Variants in ELMO1 observed in about 807,000 individuals in gnomAD.
ELMO1 encodes engulfment and cell motility protein 1.
Under a neutral mutation model 98.9 loss-of-function variants are expected in ELMO1, and 26 were observed. That is an observed-to-expected ratio of 0.26 (90% CI 0.19 to 0.36). The LOEUF (loss-of-function observed/expected upper bound fraction) is 0.36. Among genes scored for constraint, ELMO1 ranks in the 10% least tolerant of loss-of-function variants. ELMO1 has a pLI of 1.00. For synonymous variants in ELMO1, 346 were observed against 346.0 expected (o/e 1.00, Z 0.00); for missense variants, 627 against 935.2 (o/e 0.67, Z 4.30).
At chr7:37,082,470 A>G (rs939345789) in intron 15 of ELMO1, among the ~76,000 whole-genome samples, 2 of 152,182 alleles carry the variant, frequency 1.3e-5, no homozygotes, top group African/African-American at 4.8e-5. Context: ...TTGGGAGGCC[A>G]GAGCAGTCAG....
At chr7:37,441,471 G>A (rs1025762715) in intron 1 of ELMO1, among the ~76,000 whole-genome samples, 1 of 152,144 alleles carries the variant, frequency 6.6e-6, no homozygotes, top group African/African-American at 2.4e-5. Flanking sequence ...TCGCACTAAT[G>A]GAATATCAAT....
intron 15 of ELMO1, among the ~76,000 whole-genome samples, chr7:37,059,208 G>A (rs1796542932): frequency 6.6e-6 from 1 of 152,142 alleles, no homozygotes. Flanking sequence ...GATCCACCAG[G>A]GAAAATATCA....
chr7:37,280,485 C>T (rs865963988), intron 4 of ELMO1, among the ~76,000 whole-genome samples: 6 of 151,376 alleles, frequency 4.0e-5, no homozygotes, highest in African/African-American at 1.5e-4. Flanking sequence ...GAATCTACAA[C>T]GAATTCAAAC....
chr7:37,428,880 T>C (rs986952884), intron 1 of ELMO1, among the ~76,000 whole-genome samples: 3 of 152,192 alleles, frequency 2.0e-5, no homozygotes. Context: ...CTTGGCAGAG[T>C]GTGTAGCTCA....
intron 16 of ELMO1, among the ~76,000 whole-genome samples, chr7:37,005,565 G>A (rs1290856881): frequency 4.6e-5 from 7 of 151,766 alleles, no homozygotes; most frequent in Non-Finnish European, 8.8e-5. Context: ...CGTGGCGGGC[G>A]CCTGTAATCT....
chr7:37,402,484 TC>T (rs1474802852), intron 1 of ELMO1, among the ~76,000 whole-genome samples: 1 of 152,126 alleles, frequency 6.6e-6, no homozygotes, highest in Non-Finnish European at 1.5e-5. Flanking sequence ...TCCTCTTTCT[TC>T]CTAAGTGTTT....
intron 16 of ELMO1, among the ~76,000 whole-genome samples, chr7:36,974,854 C>A (rs953518593): frequency 6.6e-6 from 1 of 151,986 alleles, no homozygotes; most frequent in African/African-American, 2.4e-5. Context: ...AGACCATGAG[C>A]CCACCGGGAA....
chr7:37,400,932 G>A (rs1441069579), intron 1 of ELMO1, among the ~76,000 whole-genome samples: 1 of 152,146 alleles, frequency 6.6e-6, no homozygotes, highest in Non-Finnish European at 1.5e-5. Context: ...ATTTTGCAAA[G>A]GACTTAGGAC....
At chr7:36,920,463 T>C (rs1292375376) in intron 16 of ELMO1, among the ~76,000 whole-genome samples, 1 of 152,230 alleles carries the variant, frequency 6.6e-6, no homozygotes, top group Admixed American at 6.5e-5. Flanking sequence ...CAAAACTAGA[T>C]GGTTCTTTAA....
rs1799734484 is a variant in ELMO1, at chr7:37,325,187, A to T, written c.79-9227T>A. On this transcript the variant is annotated intron_variant, in intron 2 of 21. Coordinates refer to ENST00000310758, the MANE Select transcript of ELMO1 (RefSeq NM_014800.11). ...CCTCCTTCTTCCTTAAAGTGACTCC[A>T]GCCCCCGATGCTGCCTTTGGCACTT... Among the ~76,000 whole-genome samples the T allele has an allele frequency of 3.9e-5, 6 of 152,226 alleles. 1 individual carries two copies. The highest frequency in any genetic ancestry group is 3.9e-4 in the Admixed American group (6 of 15,290).
At chr7:36,908,942 T>C (rs11983698) in intron 16 of ELMO1, among the ~76,000 whole-genome samples, 23,063 of 152,170 alleles carry the variant, frequency 0.15, 1,922 homozygotes, top group South Asian at 0.24. Flanking sequence ...CATTACATTG[T>C]CACAAGAATC....
intron 16 of ELMO1, among the ~76,000 whole-genome samples, chr7:36,913,035 T>C (rs1042939888): frequency 1.3e-5 from 2 of 152,190 alleles, no homozygotes; most frequent in Non-Finnish European, 2.9e-5. Flanking sequence ...AAAGCACTTA[T>C]TAGCACACTG....
intron 16 of ELMO1, among the ~76,000 whole-genome samples, chr7:36,919,879 A>G (rs1457285857): frequency 5.3e-5 from 8 of 152,326 alleles, no homozygotes; most frequent in East Asian, 1.9e-4. Context: ...GATTCATTTA[A>G]GGAACGAATC....
Position 36,925,327 on chromosome 7 carries a change from C to T in ELMO1, c.1438-30310G>A, listed in dbSNP as rs1363921188. 3.3e-5 allele frequency among the ~76,000 whole-genome samples: 5 copies of T among 152,294 alleles called. No individual in the cohort carries two copies. The East Asian group carries it at 9.6e-4, about 29-fold the overall frequency. ...GACTCTCTGAGTGCTTGAACGCTTC[C>T]AGAGTCTGGGAAGAGCAGCCCTGCA... On this transcript the variant is annotated intron_variant, in intron 16 of 21. Coordinates refer to ENST00000310758, the MANE Select transcript of ELMO1 (RefSeq NM_014800.11).
chr7:37,425,592 A>G (rs969409424), intron 1 of ELMO1, among the ~76,000 whole-genome samples: 8 of 152,220 alleles, frequency 5.3e-5, no homozygotes, highest in Middle Eastern at 3.2e-3. Flanking sequence ...TAAATTAATT[A>G]ATGACATAAG....
At chr7:37,149,076 G>A (rs1788190757) in intron 13 of ELMO1, among the ~76,000 whole-genome samples, 1 of 152,144 alleles carries the variant, frequency 6.6e-6, no homozygotes, top group Non-Finnish European at 1.5e-5. Context: ...AGCATGGGAG[G>A]GGAAACCTCT....
intron 1 of ELMO1, among the ~76,000 whole-genome samples, chr7:37,378,159 C>G (rs1802434041): frequency 6.6e-6 from 1 of 152,192 alleles, no homozygotes; most frequent in Non-Finnish European, 1.5e-5. Context: ...GATGGCATGG[C>G]TGCCACTGAA....
At chr7:37,406,171 T>C (rs1038562666) in intron 1 of ELMO1, among the ~76,000 whole-genome samples, 1 of 152,040 alleles carries the variant, frequency 6.6e-6, no homozygotes, top group Non-Finnish European at 1.5e-5. Context: ...TATAATTAGT[T>C]TGGGAAACAG....
intron 16 of ELMO1, among the ~76,000 whole-genome samples, chr7:36,990,894 G>A (rs1369448651): frequency 6.6e-6 from 1 of 152,090 alleles, no homozygotes; most frequent in Non-Finnish European, 1.5e-5. Context: ...TAACTGAAAT[G>A]AGCACCATTT....
Sources: allele counts gnomAD v4.1 joint callset (sites outside exome capture counted in the v4.1 genomes callset), GRCh38; gene constraint gnomAD v4.1.1; transcripts MANE v1.5; gene names NCBI Gene and HGNC (gene_info 2026-07-23, HGNC 2026-07-21).